ZNF839: variants seen among roughly 807,000 people sequenced by gnomAD.
ZNF839 encodes renal carcinoma antigen NY-REN-50.
Under a neutral mutation model 56.4 loss-of-function variants are expected in ZNF839, and 38 were observed. The ratio of observed to expected loss-of-function variants is 0.67; its 90% CI spans 0.52 to 0.88. The LOEUF (loss-of-function observed/expected upper bound fraction) is 0.88, where lower values mean the gene tolerates loss of function less well. Among genes scored for constraint, ZNF839 ranks in the 40% least tolerant of loss-of-function variants. The pLI, the probability that ZNF839 is intolerant of heterozygous loss-of-function variation, is 0.00. For missense variants in ZNF839, 1,091 were observed against 1,177.6 expected (o/e 0.93, Z 1.08); for synonymous variants, 486 against 493.5 (o/e 0.98, Z 0.20).
At position 102,326,829 on chromosome 14, in the gene ZNF839, C is replaced by T; in HGVS notation, c.1133C>T (p.Pro378Leu). Residue 378 changes from proline to leucine, a missense_variant, in exon 2 of 8, where the codon CCA becomes CTA. Pro to Leu is a moderately conservative substitution (Grantham distance 98, BLOSUM62 -3). Transcript: ENST00000442396. This position sits in a 1 kb window ranked among gnomAD's most constrained non-coding sequence, Gnocchi z 4.3. ...TSLGLSMPAD[P>L]CEGGARSCLV... ...CTGGGGCTGTCCATGCCAGCGGATC[C>T]ATGTGAGGGAGGGGCCCGCTCCTGC... The T allele has an allele frequency of 6.2e-7, 1 of 1,610,790 alleles. No homozygotes were observed. The highest frequency in any genetic ancestry group is 8.5e-7 in the Non-Finnish European group (1 of 1,178,326).
At chr14:102,331,932 A>T (rs756455606) in intron 3 of ZNF839, 86 bp downstream of exon 3, 1 of 1,114,288 alleles carries the variant, frequency 9.0e-7, no homozygotes, top group African/African-American at 1.6e-5. Flanking sequence ...TCACCTAAGC[A>T]GTTCACCTGA....
intron 1 of ZNF839, among the ~76,000 whole-genome samples, chr14:102,324,198 G>A (rs76870799): frequency 6.6e-6 from 1 of 152,010 alleles, no homozygotes; most frequent in Non-Finnish European, 1.5e-5. Flanking sequence ...AAAAACATGG[G>A]CCCACATTAT....
chr14:102,322,325 G>C (rs549839346), intron 1 of ZNF839, among the ~76,000 whole-genome samples: 15 of 152,196 alleles, frequency 9.9e-5, no homozygotes, highest in Non-Finnish European at 2.2e-4. Flanking sequence ...GCAGGTCTGC[G>C]GGGACTGAGG....
chr14:102,319,723 C>T (rs1212184252), upstream of ZNF839: 2 of 1,225,886 alleles, frequency 1.6e-6, no homozygotes, highest in Non-Finnish European at 2.0e-6. The surrounding 1 kb of genome is among the most constrained non-coding windows in gnomAD (Gnocchi z 4.5). Context: ...ATTGGAGACG[C>T]CGTCGCTCAG....
Position 102,326,854 on chromosome 14 carries a change from C to T in ZNF839, c.1158C>T (p.Cys386=), listed in dbSNP as rs372355238. 1.9e-6 allele frequency: 3 copies of T among 1,607,532 alleles called. No individual in the cohort carries two copies. The highest frequency in any genetic ancestry group is 3.4e-5 in the Admixed American group (2 of 59,304). ...CATGTGAGGGAGGGGCCCGCTCCTG[C>T]TTGGTGACAGAGTCAGCACGCGGTG... The part of the protein sequence containing the change: ...ADPCEGGARS[C]LVTESARGGL... Residue 386 remains cysteine, a synonymous_variant, in exon 2 of 8, where the codon TGC becomes TGT. Coordinates refer to ENST00000442396, the MANE Select transcript of ZNF839 (RefSeq NM_018335.6). This position sits in a 1 kb window ranked among gnomAD's most constrained non-coding sequence, Gnocchi z 4.3.
At position 102,326,851 on chromosome 14, in the gene ZNF839, C is replaced by A. The variant is rs1304154186; in HGVS notation, c.1155C>A (p.Ser385=). 1 of 1,608,590 alleles carries A rather than the reference C, an allele frequency of 6.2e-7. No homozygotes were observed. The highest frequency in any genetic ancestry group is 1.1e-5 in the South Asian group (1 of 90,416). Residue 385 remains serine (S), a synonymous_variant, in exon 2 of 8, where the codon TCC becomes TCA. Coordinates refer to ENST00000442396, the MANE Select transcript of ZNF839 (RefSeq NM_018335.6). This position sits in a 1 kb window ranked among gnomAD's most constrained non-coding sequence, Gnocchi z 4.3. The part of the protein sequence containing the change: ...PADPCEGGAR[S]CLVTESARGG... ...ATCCATGTGAGGGAGGGGCCCGCTC[C>A]TGCTTGGTGACAGAGTCAGCACGCG... is the stretch of plus-strand genomic sequence containing the variant.
Position 102,319,746 on chromosome 14 carries a change from G to C in ZNF839, c.-20G>C, listed in dbSNP as rs2073014425. On this transcript the variant is annotated 5_prime_UTR_variant, in exon 1 of 8. Transcript: ENST00000442396. This position sits in a 1 kb window ranked among gnomAD's most constrained non-coding sequence, Gnocchi z 4.5. ...CGCCGTCGCTCAGCGACCCGGGTTC[G>C]AGTCCCCGCCTCGGCCGCCATGGCG... is the stretch of plus-strand genomic sequence containing the variant. 7 of 1,228,542 alleles carry C rather than the reference G, an allele frequency of 5.7e-6. No individual in the cohort carries two copies. The highest frequency in any genetic ancestry group is 5.1e-6 in the Non-Finnish European group (5 of 985,632). The allele number at this position is 1,228,542 out of a possible 1,614,324, so 76.1% of individuals were successfully genotyped here. A position where few individuals can be genotyped will look rare whatever the true frequency, so the allele number is the denominator to read the frequency against.
rs1360070841 is a variant in ZNF839 at position 102,328,415 on chromosome 14, TAC to T, written c.1191+1540_1191+1541del. ...ATATATATATATATATATATATGTA[TAC>T]ACACACACACATATAGTAGTAAAAA... On this transcript the variant is annotated intron_variant, in intron 2 of 7. Transcript: ENST00000442396. 1.9e-3 allele frequency among the ~76,000 whole-genome samples: 228 copies of T among 120,362 alleles called. 2 individuals carry two copies. The highest frequency in any genetic ancestry group is 6.4e-3 in the African/African-American group (208 of 32,366). The allele number at this position is 120,362 out of a possible 152,430, so 79.0% of individuals were successfully genotyped here.
chr14:102,321,395 A>G (rs1408321929), intron 1 of ZNF839, among the ~76,000 whole-genome samples: 1 of 152,224 alleles, frequency 6.6e-6, no homozygotes, highest in Non-Finnish European at 1.5e-5. Context: ...TACCCTGCTG[A>G]ATATGGCCAC....
Position 102,342,115 on chromosome 14 carries a change from C to A in ZNF839, c.2720C>A (p.Ser907Tyr). The A allele has an allele frequency of 6.2e-7, 1 of 1,613,944 alleles. No homozygotes were observed. ...LILSPPGTIV[S>Y]QEEDIVTVTD... ...TTGTCCCCTCCAGGTACAATAGTGT[C>A]TCAGGAGGAGGACATTGTCACAGTG... is the stretch of plus-strand genomic sequence containing the variant. The change falls in exon 8 of 8, where the codon TCT becomes TAT. Residue 907 changes from serine to tyrosine, a missense_variant. This residue lies in a region of ZNF839 where 431 missense variants were observed against 468.0 expected (regional missense o/e 0.92). Coordinates refer to ENST00000442396, the MANE Select transcript of ZNF839 (RefSeq NM_018335.6).
Position 102,326,806 on chromosome 14 carries a change from G to C in ZNF839, c.1110G>C (p.Leu370=). The change falls in exon 2 of 8, where the codon CTG becomes CTC. Residue 370 remains leucine (L), a synonymous_variant. Transcript: ENST00000442396. The surrounding 1 kb of genome is among the most constrained non-coding windows in gnomAD (Gnocchi z 4.3). The part of the protein sequence containing the change: ...TEERTLSLTS[L]GLSMPADPCE... ...AAAGGACGCTCAGCCTGACCTCCCT[G>C]GGGCTGTCCATGCCAGCGGATCCAT... 1 of 1,611,934 alleles carries C rather than the reference G, an allele frequency of 6.2e-7. No individual in the cohort carries two copies. Among genetic ancestry groups the C allele is most frequent in the East Asian group, 2.2e-5 (1 of 44,780 alleles).
chr14:102,341,922 G>C lies in ZNF839; in HGVS notation c.2527G>C (p.Asp843His). 1 of 1,614,036 alleles carries C rather than the reference G, an allele frequency of 6.2e-7. No individual in the cohort carries two copies. ...AGGGTGTCTCAGAAGCCTTTCGGGGGACTTGAACCGGTTCCCCTGTGGGAT... is the reference window on the plus strand; with the variant it reads ...AGGGTGTCTCAGAAGCCTTTCGGGGCACTTGAACCGGTTCCCCTGTGGGAT... Reference protein sequence around the residue: ...TEGCLRSLSGDLNRFPCGMEV... With the variant: ...TEGCLRSLSGHLNRFPCGMEV... Residue 843 changes from aspartate to histidine, a missense_variant, in exon 8 of 8, where the codon GAC (aspartate) becomes CAC (histidine). Physicochemically the swap from Asp to His is moderately conservative, Grantham distance 81. Transcript: ENST00000442396.
At chr14:102,333,049 C>T (rs920581274) in intron 3 of ZNF839, among the ~76,000 whole-genome samples, 1 of 152,186 alleles carries the variant, frequency 6.6e-6, no homozygotes, top group African/African-American at 2.4e-5. Context: ...CCCATATTCC[C>T]ACCTTCTCCC....
At chr14:102,333,261 C>CTT (rs58231229) in intron 3 of ZNF839, among the ~76,000 whole-genome samples, 28 of 125,304 alleles carry the variant, frequency 2.2e-4, no homozygotes, top group South Asian at 5.1e-4. Context: ...AAATGCCAAT[C>CTT]TTTTTTTTTT....
chr14:102,319,739 C>G (rs1021363158), upstream of ZNF839: 2 of 1,227,638 alleles, frequency 1.6e-6, no homozygotes, highest in Non-Finnish European at 2.0e-6. This position sits in a 1 kb window ranked among gnomAD's most constrained non-coding sequence, Gnocchi z 4.5. Flanking sequence ...CTCAGCGACC[C>G]GGGTTCGAGT....
chr14:102,331,482 T>C (rs1408236072), intron 2 of ZNF839, 140 bp from the exon 3 acceptor site: 3 of 687,650 alleles, frequency 4.4e-6, no homozygotes, highest in Non-Finnish European at 7.3e-6. Flanking sequence ...ACTCCTAACC[T>C]CAAATGATCC....
In ZNF839 at chr14:102,329,516, C is replaced by T. The variant is rs117823280; in HGVS notation, c.1192-2106C>T. Among the ~76,000 whole-genome samples the T allele has an allele frequency of 5.3e-3, 805 of 151,760 alleles. 5 individuals are homozygous for T. The highest frequency in any genetic ancestry group is 0.01 in the Middle Eastern group (3 of 290). On this transcript the variant is annotated intron_variant, in intron 2 of 7. Transcript: ENST00000442396. ...TCTCCTGCCTCAGCCTTTTTAGTCG[C>T]TGGAATTACAGGCGTGTGCTACCAT... is the stretch of plus-strand genomic sequence containing the variant.
rs182448675 is a variant in ZNF839, at chr14:102,332,295, C to G, written c.1416+449C>G. Among the ~76,000 whole-genome samples, 13 of 152,090 alleles carry G rather than the reference C, an allele frequency of 8.5e-5. No individual in the cohort carries two copies. The East Asian group carries it at 2.4e-3, about 28-fold the overall frequency. ...ATTACAAGCGCCTGCCAACCACACC[C>G]AGCTAATTTTTGTATTTTTAGTAGA... On this transcript the variant is annotated intron_variant, in intron 3 of 7. Transcript: ENST00000442396. This position sits in a 1 kb window ranked among gnomAD's most constrained non-coding sequence, Gnocchi z 4.9.
Position 102,341,484 on chromosome 14 carries a change from T to TC in ZNF839, c.2092dup (p.Arg698ProfsTer16). ...GGGGTCTATAGGTGCTGCTCTCTCA[T>TC]CCCGGGATGTCAGTGGGCTGCCTGT... On this transcript the variant is annotated frameshift_variant, in exon 8 of 8. Coordinates refer to ENST00000442396, the MANE Select transcript of ZNF839 (RefSeq NM_018335.6). LOFTEE classifies it low-confidence loss of function (END_TRUNC). 1 of 1,597,420 alleles carries TC rather than the reference T, an allele frequency of 6.3e-7. No homozygotes were observed. The highest frequency in any genetic ancestry group is 8.5e-7 in the Non-Finnish European group (1 of 1,170,336).
Sources: allele counts gnomAD v4.1 joint callset (sites outside exome capture counted in the v4.1 genomes callset), GRCh38; gene constraint gnomAD v4.1.1; regional missense constraint gnomAD v4.1.1; non-coding constraint Gnocchi (gnomAD v3.1); transcripts MANE v1.5; gene names NCBI Gene and HGNC (gene_info 2026-07-23, HGNC 2026-07-21).